ERI1: variants seen among roughly 807,000 people sequenced by gnomAD.
The protein encoded by ERI1 is exoribonuclease 1.
ERI1 carries 39 observed loss-of-function variants against 39.7 expected under a neutral mutation model. The observed-to-expected ratio is 0.98, with a 90% CI of 0.76 to 1.28. ERI1 has a LOEUF of 1.28. Ranked by LOEUF, ERI1 falls within the 50% of genes most tolerant of loss-of-function variation. The pLI, the probability that ERI1 is intolerant of heterozygous loss-of-function variation, is 0.00. For synonymous variants in ERI1, 204 were observed against 149.6 expected, an observed-to-expected ratio of 1.36 and a Z score of -2.65; for missense variants, 581 against 416.9, an observed-to-expected ratio of 1.39 and a Z score of -3.43.
chr8:9,068,931 C>T (rs1798967067), intron 3 of ERI1, among the ~76,000 whole-genome samples: 1 of 152,184 alleles, frequency 6.6e-6, no homozygotes, highest in Admixed American at 6.5e-5. Context: ...ATCCTCTTGC[C>T]TCAGCCCTCC....
intron 3 of ERI1, chr8:9,091,312 G>C (rs1351208318): frequency 1.3e-5 from 2 of 152,200 alleles, no homozygotes; most frequent in Admixed American, 6.5e-5. Context: ...CTTGAGGTCA[G>C]GAGTTCAAGA....
chr8:9,013,370 ACT>A lies in ERI1; in HGVS notation c.498+1621_498+1622del, dbSNP rs748423522. On this transcript the variant is annotated intron_variant, in intron 3 of 6. Transcript: ENST00000250263. Reference sequence around the variant, plus strand: ...TTAACACTGCACTGCTGGCTTGAATACTCTTTCCTTGGAGCATTTTCTTCAGG... The same window carrying A: ...TTAACACTGCACTGCTGGCTTGAATACTTTCCTTGGAGCATTTTCTTCAGG... Among the ~76,000 whole-genome samples the A allele has an allele frequency of 3.3e-5, 5 of 149,732 alleles. No individual in the cohort carries two copies. The East Asian group carries it at 9.8e-4, about 29-fold the overall frequency.
At chr8:9,037,479 C>G (rs1205018168), downstream of ERI1, among the ~76,000 whole-genome samples, 1 of 151,496 alleles carries the variant, frequency 6.6e-6, no homozygotes, top group Non-Finnish European at 1.5e-5. Context: ...TGCAGAGATT[C>G]ATATGTACTG....
chr8:9,062,617 G>A (rs1214318540), intron 3 of ERI1: 1 of 146,404 alleles, frequency 6.8e-6, no homozygotes, highest in Non-Finnish European at 1.5e-5. Flanking sequence ...GAAGGGGACG[G>A]ACTTAACCTC....
intron 3 of ERI1, among the ~76,000 whole-genome samples, chr8:9,077,742 G>C (rs1425251003): frequency 6.6e-6 from 1 of 152,196 alleles, no homozygotes; most frequent in African/African-American, 2.4e-5. Flanking sequence ...GCTGATGATT[G>C]CATTCCTCTG....
At chr8:9,012,170 C>T (rs1273424296) in intron 3 of ERI1, among the ~76,000 whole-genome samples, 1 of 152,264 alleles carries the variant, frequency 6.6e-6, no homozygotes. Context: ...GCTTGATAAC[C>T]ACCACTGTGG....
At chr8:9,077,914 G>T (rs778445753) in intron 3 of ERI1, among the ~76,000 whole-genome samples, 1 of 152,166 alleles carries the variant, frequency 6.6e-6, no homozygotes, top group African/African-American at 2.4e-5. Context: ...TCTGCCAGGG[G>T]AATGCGCTGC....
chr8:9,060,674 G>T (rs1798663753), intron 3 of ERI1, among the ~76,000 whole-genome samples: 1 of 152,192 alleles, frequency 6.6e-6, no homozygotes, highest in Admixed American at 6.5e-5. Context: ...TGCCTTGTGT[G>T]GGAAGAGATT....
intron 1 of ERI1, chr8:9,004,196 G>A (rs1009581172): frequency 3.9e-6 from 5 of 1,285,194 alleles, no homozygotes; most frequent in Middle Eastern, 2.1e-4. Flanking sequence ...TCCTTCTAAG[G>A]TTGTTATTTC....
chr8:9,037,543 G>T (rs1301571964), downstream of ERI1, among the ~76,000 whole-genome samples: 1 of 151,404 alleles, frequency 6.6e-6, no homozygotes, highest in South Asian at 2.1e-4. Context: ...AAATTATTCA[G>T]GCACAGGTTC....
chr8:9,053,205 T>C (rs1156977491), intron 3 of ERI1, among the ~76,000 whole-genome samples: 2 of 152,080 alleles, frequency 1.3e-5, no homozygotes, highest in Non-Finnish European at 2.9e-5. Context: ...TTAGTAGAGA[T>C]GGGGTTTTGC....
At chr8:9,088,011 G>A (rs575187106) in intron 3 of ERI1, among the ~76,000 whole-genome samples, 18 of 152,110 alleles carry the variant, frequency 1.2e-4, no homozygotes, top group Non-Finnish European at 1.9e-4. Flanking sequence ...TGGCATATAC[G>A]CCTACAGGTG....
chr8:9,083,345 C>G (rs1267092701), intron 3 of ERI1, among the ~76,000 whole-genome samples: 2 of 152,140 alleles, frequency 1.3e-5, no homozygotes, highest in Non-Finnish European at 2.9e-5. Context: ...GGTATCTGCC[C>G]CCTAAAGAAA....
At chr8:9,058,862 T>G (rs112961000) in intron 3 of ERI1, among the ~76,000 whole-genome samples, 4,012 of 151,814 alleles carry the variant, frequency 0.026, 85 homozygotes, top group Middle Eastern at 0.051. Flanking sequence ...AATAAATAAA[T>G]AAATAAATCT....
chr8:9,049,318 A>G (rs1798277861), intron 3 of ERI1, among the ~76,000 whole-genome samples: 1 of 132,176 alleles, frequency 7.6e-6, no homozygotes, highest in African/African-American at 2.9e-5. Flanking sequence ...CCTGGGCGAC[A>G]GAGTGAGACT....
At chr8:9,038,064 A>T (rs545937219), downstream of ERI1, among the ~76,000 whole-genome samples, 1 of 152,342 alleles carries the variant, frequency 6.6e-6, no homozygotes, top group East Asian at 1.9e-4. Context: ...ATTTAAAGCT[A>T]TTCCTAAGTT....
chr8:9,036,066 C>T (rs998732202), downstream of ERI1, among the ~76,000 whole-genome samples: 1 of 152,194 alleles, frequency 6.6e-6, no homozygotes, highest in Non-Finnish European at 1.5e-5. Context: ...TTACTTCTTA[C>T]AGATAAGCAA....
rs113407338 is a variant in ERI1 at position 9,016,240 on chromosome 8, G to A, written c.499-82G>A. On this transcript the variant is annotated intron_variant, in intron 3 of 6. Transcript: ENST00000250263. Reference sequence around the variant, plus strand: ...GTGAGATCCTATGAAATTGCAACCTGCTGTGATGAATTCGTCGTGTATCAT... The same window carrying A: ...GTGAGATCCTATGAAATTGCAACCTACTGTGATGAATTCGTCGTGTATCAT... 3 of 724,958 alleles carry A rather than the reference G, an allele frequency of 4.1e-6. No homozygotes were observed. In the African/African-American group the frequency reaches 5.4e-5, roughly 13 times the overall value. 44.9% of individuals were successfully genotyped at this position (724,958 alleles called of 1,614,324 possible). A position where few individuals can be genotyped will look rare whatever the true frequency, so the allele number is the denominator to read the frequency against.
chr8:9,078,181 G>A (rs1799265589), intron 3 of ERI1, among the ~76,000 whole-genome samples: 1 of 152,092 alleles, frequency 6.6e-6, no homozygotes, highest in African/African-American at 2.4e-5. Flanking sequence ...GTAGAGACAA[G>A]GTTTCACCAT....
Sources: gnomAD v4.1 joint callset for allele counts (sites outside exome capture counted in the v4.1 genomes callset) on GRCh38, gnomAD v4.1.1 for gene constraint, MANE v1.5 for transcripts, NCBI Gene and HGNC (gene_info 2026-07-23, HGNC 2026-07-21) for gene names.